Variants in HEPN1 observed in about 807,000 individuals in gnomAD.
The protein encoded by HEPN1 is hepatocellular carcinoma, down-regulated 1.
For synonymous variants in HEPN1, 46 were observed against 41.2 expected, an observed-to-expected ratio of 1.12 and a Z score of -0.45; for missense variants, 97 against 103.3, an observed-to-expected ratio of 0.94 and a Z score of 0.26.
At chr11:124,919,888 C>T (rs1273248818) in exon 1 of HEPN1, 2 of 1,614,172 alleles carry the variant, frequency 1.2e-6, no homozygotes, top group Non-Finnish European at 8.5e-7. Context: ...CCTTCTCTTT[C>T]AGCTTTTTAA....
At chr11:124,920,574 C>G in exon 1 of HEPN1, 1 of 1,308,808 alleles carries the variant, frequency 7.6e-7, no homozygotes, top group Non-Finnish European at 9.9e-7. Flanking sequence ...AATGATCCCC[C>G]CAGCTCAGAA....
exon 1 of HEPN1, chr11:124,919,303 T>C (rs1947091017): frequency 5.3e-6 from 1 of 187,062 alleles, no homozygotes; most frequent in Admixed American, 5.6e-5. Flanking sequence ...TGCTGGATGC[T>C]AGTAATACAA....
In HEPN1 at chr11:124,919,726, C is replaced by CAA. The variant is rs1261225619; in HGVS notation, c.-22_-21dup. On this transcript the variant is annotated 5_prime_UTR_variant, in exon 1 of 1. It introduces an in-frame stop codon into an upstream open reading frame of the 5' UTR. Coordinates refer to ENST00000408930, the Ensembl canonical transcript of HEPN1. ...AATGTCAGTGCCTTTGGGGCTGAGA[C>CAA]AAAACTTGACCTGGTGTGGAGGTGA... The CAA allele has an allele frequency of 1.2e-6, 2 of 1,610,298 alleles. No individual in the cohort carries two copies. Among genetic ancestry groups the CAA allele is most frequent in the Admixed American group, 1.7e-5 (1 of 59,878 alleles).
exon 1 of HEPN1, chr11:124,919,641 G>T: frequency 7.8e-7 from 1 of 1,282,770 alleles, no homozygotes; most frequent in Non-Finnish European, 1.1e-6. Flanking sequence ...GGGAAGTGCC[G>T]AGGGACAGGG....
chr11:124,920,677 GCAAAAAA>G (rs1947118012), downstream of HEPN1: 507 of 107,882 alleles, frequency 4.7e-3, 3 homozygotes, highest in Middle Eastern at 9.0e-3. Flanking sequence ...ATCTGAACTT[GCAAAAAA>G]AAAAAAAAAA....
At chr11:124,920,226 T>G (rs1591545926) in exon 1 of HEPN1, 2 of 871,696 alleles carry the variant, frequency 2.3e-6, no homozygotes. Flanking sequence ...AATGATTGTT[T>G]GAAAGGCTTG....
At chr11:124,920,570 C>T in exon 1 of HEPN1, 2 of 1,305,050 alleles carry the variant, frequency 1.5e-6, no homozygotes, top group South Asian at 1.6e-5. Context: ...TCACAATGAT[C>T]CCCCCAGCTC....
Position 124,920,303 on chromosome 11 carries a change from T to C in HEPN1, c.*286T>C, listed in dbSNP as rs1947109610. On this transcript the variant is annotated 3_prime_UTR_variant, in exon 1 of 1. Coordinates refer to ENST00000408930, the Ensembl canonical transcript of HEPN1. ...TAAAACAGTTCCTCATTTGGTCTAG[T>C]TTTCGGGCCAGGGGAGTAAGTGAAA... The C allele has an allele frequency of 3.9e-6, 5 of 1,271,376 alleles. No individual in the cohort carries two copies. The East Asian group carries it at 1.3e-4, about 33-fold the overall frequency. 78.8% of individuals were successfully genotyped at this position (1,271,376 alleles called of 1,614,324 possible).
chr11:124,920,044 C>T (rs1356274344), exon 1 of HEPN1: 2 of 1,602,836 alleles, frequency 1.2e-6, no homozygotes, highest in East Asian at 2.2e-5. Flanking sequence ...TTTTCTGTGC[C>T]CTGGGACCTG....
rs978654932 is a variant in HEPN1, at chr11:124,920,267, G to A, written c.*250G>A. On this transcript the variant is annotated 3_prime_UTR_variant, in exon 1 of 1. Coordinates refer to ENST00000408930, the Ensembl canonical transcript of HEPN1. The stretch of plus-strand genomic sequence containing the variant: ...TAAGGAAGCCAGGAGGAATATATGA[G>A]TTTGATGAGCTAAAACAGTTCCTCA... 5.1e-6 allele frequency: 5 copies of A among 983,618 alleles called. No homozygotes were observed. In the African/African-American group the frequency reaches 6.6e-5, roughly 13 times the overall value. 60.9% of individuals were successfully genotyped at this position (983,618 alleles called of 1,614,324 possible). A position where few individuals can be genotyped will look rare whatever the true frequency, so the allele number is the denominator to read the frequency against.
chr11:124,920,547 G>C (rs376511902), exon 1 of HEPN1: 1 of 1,385,462 alleles, frequency 7.2e-7, no homozygotes, highest in African/African-American at 1.4e-5. Flanking sequence ...CAGGTGCCCA[G>C]GGAAGAAGGC....
chr11:124,919,304 A>C, exon 1 of HEPN1: 1 of 186,086 alleles, frequency 5.4e-6, no homozygotes, highest in Non-Finnish European at 1.1e-5. Context: ...GCTGGATGCT[A>C]GTAATACAAA....
chr11:124,920,042 G>T, exon 1 of HEPN1: 1 of 1,604,872 alleles, frequency 6.2e-7, no homozygotes, highest in Non-Finnish European at 8.5e-7. Flanking sequence ...CTTTTTCTGT[G>T]CCCTGGGACC....
chr11:124,919,855 G>T, exon 1 of HEPN1: 1 of 1,614,116 alleles, frequency 6.2e-7, no homozygotes, highest in Non-Finnish European at 8.5e-7. Flanking sequence ...TAAGGAGGAG[G>T]GAATGGAATA....
At chr11:124,920,079 G>T in exon 1 of HEPN1, 1 of 1,541,772 alleles carries the variant, frequency 6.5e-7, no homozygotes, top group Non-Finnish European at 8.8e-7. Context: ...GGGCAGATGG[G>T]TGGCAGGAGG....
chr11:124,920,594 C>T, exon 1 of HEPN1: 1 of 1,154,538 alleles, frequency 8.7e-7, no homozygotes, highest in East Asian at 5.3e-5. Context: ...ACAGCCCCTG[C>T]ACACCCAGTA....
At chr11:124,919,993 C>A (rs1442886731) in exon 1 of HEPN1, 3 of 1,613,142 alleles carry the variant, frequency 1.9e-6, no homozygotes, top group Non-Finnish European at 2.5e-6. Flanking sequence ...AGCGGCCCAG[C>A]CTCTTTATTT....
exon 1 of HEPN1, chr11:124,919,502 C>T (rs1947094214): frequency 1.8e-6 from 1 of 549,362 alleles, no homozygotes; most frequent in East Asian, 3.0e-5. Flanking sequence ...GCAGGTACTC[C>T]TTATCCAAGT....
chr11:124,920,626 A>C, exon 1 of HEPN1: 1 of 1,015,730 alleles, frequency 9.8e-7, no homozygotes, highest in Non-Finnish European at 1.2e-6. Context: ...GCTTCTCCTT[A>C]GCTTAGTGCA....
Sources: allele counts gnomAD v4.1 joint callset, GRCh38; gene constraint gnomAD v4.1.1; transcripts MANE v1.5; gene names NCBI Gene and HGNC (gene_info 2026-07-23, HGNC 2026-07-21).